MTFR1: variants seen among roughly 807,000 people sequenced by gnomAD.
The protein encoded by MTFR1 is chondrocyte protein with a poly-proline region.
Under a neutral mutation model 38.8 loss-of-function variants are expected in MTFR1, and 28 were observed. That is an observed-to-expected ratio of 0.72 (90% CI 0.53 to 0.99). MTFR1 has a LOEUF of 0.99. MTFR1 is among the 50% of genes least tolerant of loss of function. The pLI is 0.00. For missense variants in MTFR1, 358 were observed against 395.5 expected (o/e 0.91, Z 0.81); for synonymous variants, 145 against 137.0 (o/e 1.06, Z -0.41).
chr8:65,708,178 A>G, intron 7 of MTFR1, 167 bp downstream of exon 7: 1 of 1,362,220 alleles, frequency 7.3e-7, no homozygotes, highest in East Asian at 2.4e-5. Context: ...TGGGAAAAGG[A>G]TGACATCTTT....
intron 1 of MTFR1, among the ~76,000 whole-genome samples, chr8:65,652,001 C>T (rs1375714349): frequency 6.6e-6 from 1 of 151,612 alleles, no homozygotes; most frequent in Admixed American, 6.6e-5. Flanking sequence ...CTCTATCATC[C>T]AGGCCGGAGT....
intron 3 of MTFR1, chr8:65,724,207 A>G (rs1806513917): frequency 8.1e-7 from 1 of 1,233,726 alleles, no homozygotes; most frequent in South Asian, 1.2e-5. Context: ...ACGATGTTAA[A>G]AAAAAATGAA....
downstream of MTFR1, among the ~76,000 whole-genome samples, chr8:65,713,970 G>A (rs1039848554): frequency 1.3e-5 from 2 of 151,888 alleles, no homozygotes; most frequent in African/African-American, 4.8e-5. Flanking sequence ...TTATGGATGT[G>A]AGCCACCACA....
chr8:65,643,937 T>C (rs966499491), upstream of MTFR1, among the ~76,000 whole-genome samples: 1 of 151,968 alleles, frequency 6.6e-6, no homozygotes, highest in Non-Finnish European at 1.5e-5. Flanking sequence ...AGAGATCCAG[T>C]GACAGCCCAG....
At chr8:65,723,475 T>A in intron 3 of MTFR1, 1 of 1,304,262 alleles carries the variant, frequency 7.7e-7, no homozygotes, top group Admixed American at 2.8e-5. Context: ...ATTTCAAATA[T>A]ATTTCCCTTC....
intron 2 of MTFR1, chr8:65,718,313 A>G (rs1283552622): frequency 6.6e-6 from 1 of 152,314 alleles, no homozygotes; most frequent in African/African-American, 2.4e-5. Flanking sequence ...ACATTCACAC[A>G]CAACATACCT....
chr8:65,674,440 G>C (rs186467662), intron 2 of MTFR1, among the ~76,000 whole-genome samples: 22 of 151,426 alleles, frequency 1.5e-4, no homozygotes, highest in African/African-American at 5.1e-4. Context: ...AGTGAGACAC[G>C]ATCTCTACAA....
At chr8:65,655,699 C>T (rs1809234918) in intron 1 of MTFR1, among the ~76,000 whole-genome samples, 1 of 151,546 alleles carries the variant, frequency 6.6e-6, no homozygotes, top group Non-Finnish European at 1.5e-5. Flanking sequence ...GCTGTAATCC[C>T]AGCACTTTGG....
chr8:65,736,221 T>TACCAACATGGCTGATCTGATA (rs1482878285), intron 3 of MTFR1, among the ~76,000 whole-genome samples: 65 of 152,236 alleles, frequency 4.3e-4, no homozygotes, highest in Non-Finnish European at 7.8e-4. Flanking sequence ...AGCACTGTGA[T>TACCAACATGGCTGATCTGATA]ACCAACATGG....
chr8:65,772,525 G>A (rs1386201849), downstream of MTFR1, among the ~76,000 whole-genome samples: 1 of 152,138 alleles, frequency 6.6e-6, no homozygotes, highest in Non-Finnish European at 1.5e-5. Context: ...GGAAGAAGAG[G>A]GGTAAAAAAG....
intron 3 of MTFR1, among the ~76,000 whole-genome samples, chr8:65,744,451 C>T (rs1419354504): frequency 1.3e-5 from 2 of 152,188 alleles, no homozygotes; most frequent in Non-Finnish European, 2.9e-5. Context: ...CCTTTTCCTA[C>T]AGAACATGTT....
At chr8:65,725,879 T>A (rs1210881541) in intron 3 of MTFR1, among the ~76,000 whole-genome samples, 1 of 152,164 alleles carries the variant, frequency 6.6e-6, no homozygotes, top group East Asian at 1.9e-4. Context: ...AACCCATAAT[T>A]TACATATACA....
At chr8:65,680,037 TG>T (rs1202350859) in intron 2 of MTFR1, among the ~76,000 whole-genome samples, 1 of 152,208 alleles carries the variant, frequency 6.6e-6, no homozygotes, top group Non-Finnish European at 1.5e-5. Context: ...AAGTACTTTT[TG>T]GAACTCTTCT....
chr8:65,736,472 G>T (rs1807130919), intron 3 of MTFR1, among the ~76,000 whole-genome samples: 1 of 152,112 alleles, frequency 6.6e-6, no homozygotes, highest in Non-Finnish European at 1.5e-5. Context: ...GTTTCTCAAG[G>T]CCAGGTGCAC....
At chr8:65,649,227 C>T (rs61636518) in intron 1 of MTFR1, among the ~76,000 whole-genome samples, 2 of 151,758 alleles carry the variant, frequency 1.3e-5, no homozygotes, top group Non-Finnish European at 2.9e-5. Context: ...GTTTCCCAGG[C>T]TGGAGTGCAA....
chr8:65,747,359 T>A (rs1057119795), intron 3 of MTFR1, among the ~76,000 whole-genome samples: 2 of 152,228 alleles, frequency 1.3e-5, no homozygotes, highest in Non-Finnish European at 2.9e-5. Context: ...CTTCCCAGCA[T>A]TACAATTCTG....
At chr8:65,725,579 A>T (rs1419264064) in intron 3 of MTFR1, 1 of 152,878 alleles carries the variant, frequency 6.5e-6, no homozygotes, top group African/African-American at 2.4e-5. Flanking sequence ...TCAATTAACA[A>T]GATAAACATA....
chr8:65,717,567 G>A (rs552819122), intron 2 of MTFR1: 7 of 152,310 alleles, frequency 4.6e-5, no homozygotes, highest in Admixed American at 2.6e-4. Context: ...AGCTCGGACT[G>A]AGTAAACATC....
At chr8:65,678,393 G>T (rs967511195) in intron 2 of MTFR1, among the ~76,000 whole-genome samples, 2 of 152,036 alleles carry the variant, frequency 1.3e-5, no homozygotes, top group African/African-American at 4.8e-5. Context: ...AAAGGTTATG[G>T]CTCTTCATTC....
Sources: gnomAD v4.1 joint callset for allele counts (sites outside exome capture counted in the v4.1 genomes callset) on GRCh38, gnomAD v4.1.1 for gene constraint, MANE v1.5 for transcripts, NCBI Gene and HGNC (gene_info 2026-07-23, HGNC 2026-07-21) for gene names.